The following SUCLG1 variants were observed in gnomAD, a reference collection of about 807,000 sequenced individuals.
SUCLG1 encodes the protein succinate--CoA ligase [ADP/GDP-forming] subunit alpha, mitochondrial.
SUCLG1 carries 26 observed loss-of-function variants against 37.3 expected under a neutral mutation model. The observed-to-expected ratio is 0.70, with a 90% CI of 0.51 to 0.97. The LOEUF (loss-of-function observed/expected upper bound fraction) is 0.97. Among genes scored for constraint, SUCLG1 ranks in the 50% least tolerant of loss-of-function variants. The probability of loss-of-function intolerance (pLI) is 0.00; values close to 1 mark genes in which losing one functional copy is unlikely to be tolerated. For missense variants in SUCLG1, 433 were observed against 432.9 expected, an observed-to-expected ratio of 1.00 and a Z score of 0.00; for synonymous variants, 163 against 155.6, an observed-to-expected ratio of 1.05 and a Z score of -0.36.
chr2:84,447,372 A>G (rs978809807), intron 2 of SUCLG1, among the ~76,000 whole-genome samples: 1 of 152,216 alleles, frequency 6.6e-6, no homozygotes, highest in African/African-American at 2.4e-5. Flanking sequence ...CGCTGTAACT[A>G]CCTCTGGATT....
At chr2:84,457,794 C>T (rs778874734) in intron 1 of SUCLG1, among the ~76,000 whole-genome samples, 1 of 152,112 alleles carries the variant, frequency 6.6e-6, no homozygotes, top group Non-Finnish European at 1.5e-5. Flanking sequence ...ACTTTATTGA[C>T]CTGAGTGATT....
Position 84,425,462 on chromosome 2 carries a change from C to T in SUCLG1, c.967G>A (p.Val323Ile), listed in dbSNP as rs754747795. 6.8e-6 allele frequency: 11 copies of T among 1,614,208 alleles called. No individual in the cohort carries two copies. Among genetic ancestry groups the T allele is most frequent in the Non-Finnish European group, 9.3e-6 (11 of 1,180,042 alleles). ...EKISALQSAG[V>I]VVSMSPAQLG... Reference sequence around the variant, plus strand: ...TGTGCAGGAGACATACTGACCACAACTCCTGCACTCTGAAGGGCAGAGATC... The same window carrying T: ...TGTGCAGGAGACATACTGACCACAATTCCTGCACTCTGAAGGGCAGAGATC... The change falls in exon 8 of 9, where the codon GTT becomes ATT. Residue 323 changes from valine to isoleucine, a missense_variant. Physicochemically the swap from Val to Ile is conservative, Grantham distance 29. Coordinates refer to ENST00000393868, the MANE Select transcript of SUCLG1 (RefSeq NM_003849.4).
chr2:84,444,845 C>G (rs888553720), intron 2 of SUCLG1, among the ~76,000 whole-genome samples: 2 of 152,164 alleles, frequency 1.3e-5, no homozygotes, highest in Non-Finnish European at 2.9e-5. Flanking sequence ...AGATATTTCT[C>G]CCATTTGCTT....
At position 84,427,906 on chromosome 2, in the gene SUCLG1, A is replaced by G. The variant is rs113017935; in HGVS notation, c.826-2303T>C. On this transcript the variant is annotated intron_variant, in intron 7 of 8. Transcript: ENST00000393868. ...TTGCATTGCTTCATCAAGGACACTC[A>G]TAAGTGAAACTGGCTTTTTTTTTCT... 6.8e-3 allele frequency among the ~76,000 whole-genome samples: 1,043 copies of G among 152,342 alleles called. 10 individuals carry two copies. The highest frequency in any genetic ancestry group is 0.024 in the African/African-American group (980 of 41,582).
Position 84,423,735 on chromosome 2 carries a change from T to C in SUCLG1, c.*11A>G. The C allele has an allele frequency of 1.2e-6, 2 of 1,601,206 alleles. No homozygotes were observed. The highest frequency in any genetic ancestry group is 1.7e-6 in the Non-Finnish European group (2 of 1,171,646). On this transcript the variant is annotated 3_prime_UTR_variant, in exon 9 of 9. Coordinates refer to ENST00000393868, the MANE Select transcript of SUCLG1 (RefSeq NM_003849.4). ...GATCCATTCCACAGTTTTAGGAATT[T>C]TTTTTTTCTTTCATAGCATCTTCCT...
At chr2:84,425,828 C>T (rs547634570) in intron 7 of SUCLG1, 51 of 562,968 alleles carry the variant, frequency 9.1e-5, no homozygotes, top group South Asian at 8.7e-4. Flanking sequence ...TGCCAATGTC[C>T]GTATCTGTTC....
chr2:84,428,696 AC>A (rs1478003614), intron 7 of SUCLG1, among the ~76,000 whole-genome samples: 3 of 152,224 alleles, frequency 2.0e-5, no homozygotes, highest in African/African-American at 7.2e-5. Flanking sequence ...GAGAACTACA[AC>A]TAAAAGACTA....
In SUCLG1 at chr2:84,440,086, G is replaced by A. The variant is rs1403094567; in HGVS notation, c.589+961C>T. ...TCAGTAGAATGGCTACATTTAAAAA[G>A]GCTAATAGCCGGGCATGGTAGCTCA... On this transcript the variant is annotated intron_variant, in intron 5 of 8. Coordinates refer to ENST00000393868, the MANE Select transcript of SUCLG1 (RefSeq NM_003849.4). Among the ~76,000 whole-genome samples, 4 of 152,172 alleles carry A rather than the reference G, an allele frequency of 2.6e-5. No individual in the cohort carries two copies. The East Asian group carries it at 7.7e-4, about 29-fold the overall frequency.
intron 2 of SUCLG1, among the ~76,000 whole-genome samples, chr2:84,444,403 C>A (rs1233731090): frequency 6.6e-6 from 1 of 152,064 alleles, no homozygotes; most frequent in Non-Finnish European, 1.5e-5. Flanking sequence ...GTAAAACCAG[C>A]AAGTTTTTAT....
In SUCLG1 at chr2:84,423,636, A is replaced by T; in HGVS notation, c.*110T>A. 1 of 1,113,194 alleles carries T rather than the reference A, an allele frequency of 9.0e-7. No individual in the cohort carries two copies. The allele number at this position is 1,113,194 out of a possible 1,614,324, so 69.0% of individuals were successfully genotyped here. On this transcript the variant is annotated 3_prime_UTR_variant, in exon 9 of 9. Transcript: ENST00000393868. The stretch of plus-strand genomic sequence containing the variant: ...TTTTGGCTTCCAGTTGTACTGCAAG[A>T]CCAGTGTCAGGCACATAGGCTGATT...
At chr2:84,458,061 GAAAACTA>G (rs1354758671) in intron 1 of SUCLG1, among the ~76,000 whole-genome samples, 2 of 151,466 alleles carry the variant, frequency 1.3e-5, no homozygotes, top group Non-Finnish European at 1.5e-5. Flanking sequence ...AGCGGAAAAA[GAAAACTA>G]ACTTTGAGTG....
intron 8 of SUCLG1, 145 bp downstream of exon 8, chr2:84,425,270 A>G (rs1034134132): frequency 2.2e-6 from 2 of 891,754 alleles, no homozygotes; most frequent in African/African-American, 1.7e-5. Context: ...TAGGACATCA[A>G]TAGAGTTGAT....
chr2:84,426,129 A>G (rs998879064), intron 7 of SUCLG1: 1 of 167,628 alleles, frequency 6.0e-6, no homozygotes, highest in Non-Finnish European at 1.3e-5. Flanking sequence ...CTGCTTCCTC[A>G]TCTATGAAAT....
chr2:84,443,731 C>T (rs990135365), intron 2 of SUCLG1, among the ~76,000 whole-genome samples: 10 of 152,156 alleles, frequency 6.6e-5, no homozygotes, highest in Non-Finnish European at 1.0e-4. Context: ...TTGGCTTTCT[C>T]TCACTTCAAC....
At chr2:84,427,634 T>C (rs1198651149) in intron 7 of SUCLG1, among the ~76,000 whole-genome samples, 2 of 152,344 alleles carry the variant, frequency 1.3e-5, no homozygotes, top group East Asian at 3.9e-4. Context: ...ACTTGAAAGT[T>C]CAAATGTTAT....
chr2:84,443,411 A>G lies in SUCLG1; in HGVS notation c.202-11T>C. The G allele has an allele frequency of 6.2e-7, 1 of 1,612,934 alleles. No individual in the cohort carries two copies. Among genetic ancestry groups the G allele is most frequent in the Non-Finnish European group, 8.5e-7 (1 of 1,178,896 alleles). Reference sequence around the variant, plus strand: ...GCTGTGAAAGGTGCCCTGAGGGGAAAAAGCACAAGATCCATGAGAAACAGC... The same window carrying G: ...GCTGTGAAAGGTGCCCTGAGGGGAAGAAGCACAAGATCCATGAGAAACAGC... On this transcript the variant is annotated splice_polypyrimidine_tract_variant and intron_variant, in intron 2 of 8. Transcript: ENST00000393868.
chr2:84,440,567 C>T (rs1672752962), intron 5 of SUCLG1, among the ~76,000 whole-genome samples: 1 of 152,056 alleles, frequency 6.6e-6, no homozygotes, highest in African/African-American at 2.4e-5. Flanking sequence ...ACATTTTGCC[C>T]AAGAGAAACG....
rs1313377945 is a variant in SUCLG1, at chr2:84,441,103, G to T, written c.533C>A (p.Pro178His). The T allele has an allele frequency of 1.9e-6, 3 of 1,613,896 alleles. No homozygotes were observed. In the Admixed American group the frequency reaches 5.0e-5, roughly 27 times the overall value. Residue 178 changes from proline (P) to histidine (H), a missense_variant and splice_region_variant, in exon 5 of 9, where the codon CCT becomes CAT. Coordinates refer to ENST00000393868, the MANE Select transcript of SUCLG1 (RefSeq NM_003849.4). ...IGPNCPGVINPGECKIGIMPG... is the reference protein window; with the variant it reads ...IGPNCPGVINHGECKIGIMPG... ...CATGATGCCAATTTTACATTCTCCA[G>T]GCTGAAAGTAATCATAGTTTTCAGA...
chr2:84,423,901 AG>A, intron 8 of SUCLG1, 129 bp from the exon 9 acceptor site: 1 of 970,418 alleles, frequency 1.0e-6, no homozygotes, highest in Non-Finnish European at 1.5e-6. Flanking sequence ...AAATTACAGA[AG>A]AAAAATGTAC....
Sources: gnomAD v4.1 joint callset for allele counts (sites outside exome capture counted in the v4.1 genomes callset) on GRCh38, gnomAD v4.1.1 for gene constraint, MANE v1.5 for transcripts, NCBI Gene and HGNC (gene_info 2026-07-23, HGNC 2026-07-21) for gene names.